Variants in KRT78 observed in about 807,000 individuals in gnomAD.
KRT78 encodes the protein keratin, type II cytoskeletal 78.
KRT78 carries 55 observed loss-of-function variants against 51.4 expected under a neutral mutation model. The observed-to-expected ratio is 1.07, with a 90% CI of 0.86 to 1.34. The LOEUF is 1.34. Among genes scored for constraint, KRT78 ranks in the 40% most tolerant of loss-of-function variants. KRT78 has a pLI of 0.00. For synonymous variants in KRT78, 291 were observed against 264.3 expected (o/e 1.10, Z -0.98); for missense variants, 652 against 649.4 (o/e 1.00, Z -0.04).
At chr12:52,846,353 G>T in intron 3 of KRT78, 61 bp from the exon 4 acceptor site, 1 of 1,060,210 alleles carries the variant, frequency 9.4e-7, no homozygotes, top group Non-Finnish European at 1.5e-6. Context: ...CCCTACTCTG[G>T]CTCAGGAATT....
At chr12:52,839,612 A>G in intron 7 of KRT78, 125 bp from the exon 8 acceptor site, 1 of 1,297,062 alleles carries the variant, frequency 7.7e-7, no homozygotes, top group Non-Finnish European at 1.1e-6. Context: ...ACAGTCTCCA[A>G]CTTAAAATCC....
At chr12:52,844,461 G>A (rs890656688) in intron 5 of KRT78, 98 bp downstream of exon 5, 18 of 1,430,084 alleles carry the variant, frequency 1.3e-5, no homozygotes, top group Admixed American at 2.1e-5. Context: ...GAGGTAACTG[G>A]AACTGCCCCA....
chr12:52,839,413 C>T, intron 8 of KRT78, 40 bp downstream of exon 8: 1 of 1,611,412 alleles, frequency 6.2e-7, no homozygotes, highest in Non-Finnish European at 8.5e-7. Flanking sequence ...GTCATCAGCT[C>T]CCCATGGGGA....
chr12:52,847,434 G>T (rs534266265), intron 2 of KRT78, among the ~76,000 whole-genome samples: 1 of 152,202 alleles, frequency 6.6e-6, no homozygotes. Context: ...TGACCTAGGC[G>T]TGGAGCCCAG....
At chr12:52,842,225 A>G (rs916052650) in intron 6 of KRT78, among the ~76,000 whole-genome samples, 10 of 152,110 alleles carry the variant, frequency 6.6e-5, no homozygotes, top group African/African-American at 2.4e-4. Flanking sequence ...ACCACATGTG[A>G]CTTTTGAATC....
At position 52,848,399 on chromosome 12, in the gene KRT78, T is replaced by C. The variant is rs149189754; in HGVS notation, c.384+148A>G. ...AGGGCCTCAGCATAGCCAGAGAGAG[T>C]CCAGTTAGTCCACAGGAGGGACTTC... On this transcript the variant is annotated intron_variant, in intron 1 of 8. Transcript: ENST00000304620. 9.0e-5 allele frequency: 125 copies of C among 1,391,792 alleles called. No individual in the cohort carries two copies. The African/African-American group carries it at 1.6e-3, about 18-fold the overall frequency. 86.2% of individuals were successfully genotyped at this position (1,391,792 alleles called of 1,614,324 possible).
chr12:52,845,808 G>T (rs1299984237), intron 4 of KRT78, among the ~76,000 whole-genome samples: 1 of 152,126 alleles, frequency 6.6e-6, no homozygotes, highest in East Asian at 1.9e-4. Context: ...ACAAAAATTA[G>T]CTGACCGCAG....
At chr12:52,847,629 C>G (rs1030881638) in intron 2 of KRT78, among the ~76,000 whole-genome samples, 2 of 152,206 alleles carry the variant, frequency 1.3e-5, no homozygotes, top group Non-Finnish European at 2.9e-5. Context: ...CAGCCTTGAC[C>G]GGAAACATGG....
intron 4 of KRT78, among the ~76,000 whole-genome samples, chr12:52,845,119 C>A (rs1382188702): frequency 6.6e-6 from 1 of 151,480 alleles, no homozygotes; most frequent in Non-Finnish European, 1.5e-5. Context: ...AGGTTCAAGC[C>A]ATTCTTCTCC....
Position 52,839,913 on chromosome 12 carries a change from G to A in KRT78, c.1119C>T (p.Ala373=). 1 of 1,614,034 alleles carries A rather than the reference G, an allele frequency of 6.2e-7. No homozygotes were observed. The highest frequency in any genetic ancestry group is 1.3e-5 in the African/African-American group (1 of 74,988). The change falls in exon 7 of 9, where the codon GCC becomes GCT. Residue 373 remains alanine (A), a synonymous_variant. Coordinates refer to ENST00000304620, the MANE Select transcript of KRT78 (RefSeq NM_173352.4). ...GAGCAGCCTCCAGCTCGTCCACCTT[G>A]GCCTGAGCGTCCTTGAGGGCCAGCT... The part of the protein sequence containing the change: ...RGELALKDAQ[A]KVDELEAALR...
Position 52,844,235 on chromosome 12 carries a change from G to T in KRT78, c.922-17C>A. On this transcript the variant is annotated splice_polypyrimidine_tract_variant and intron_variant, in intron 5 of 8. Transcript: ENST00000304620. ...TTCCTGGTACTGAGAGGGGAACAGA[G>T]GGGACACCATTAGTTGAGAGGACTG... 10 of 1,580,352 alleles carry T rather than the reference G, an allele frequency of 6.3e-6. No homozygotes were observed. Among genetic ancestry groups the T allele is most frequent in the Non-Finnish European group, 8.6e-6 (10 of 1,169,248 alleles).
In KRT78 at chr12:52,843,688, C is replaced by CAAAAAAAA. The variant is rs1158055717; in HGVS notation, c.1047+397_1047+404dup. ...TGGGCAGTGGAGTAAGACTCTGTCTCAAAAAAAAAAAAAAAAAGAAAAAGA... is the reference window on the plus strand; with the variant it reads ...TGGGCAGTGGAGTAAGACTCTGTCTCAAAAAAAAAAAAAAAAAAAAAAAAAGAAAAAGA... On this transcript the variant is annotated intron_variant, in intron 6 of 8. Coordinates refer to ENST00000304620, the MANE Select transcript of KRT78 (RefSeq NM_173352.4). Among the ~76,000 whole-genome samples the CAAAAAAAA allele has an allele frequency of 8.0e-3, 506 of 63,134 alleles. 7 individuals carry two copies. Among genetic ancestry groups the CAAAAAAAA allele is most frequent in the East Asian group, 0.022 (51 of 2,348 alleles). 41.4% of individuals were successfully genotyped at this position (63,134 alleles called of 152,430 possible).
chr12:52,848,775 A>G lies in KRT78; in HGVS notation c.156T>C (p.Arg52=). 3 of 1,432,992 alleles carry G rather than the reference A, an allele frequency of 2.1e-6. No individual in the cohort carries two copies. The highest frequency in any genetic ancestry group is 3.5e-5 in the African/African-American group (2 of 56,914). 88.8% of individuals were successfully genotyped at this position (1,432,992 alleles called of 1,614,324 possible). The part of the protein sequence containing the change: ...NSFGGCLEGS[R]GSTWGSGGRL... Reference sequence around the variant, plus strand: ...TACCCCCTGACCCCCAGGTACTCCCACGAGAGCCTTCCAGGCACCCCCCAA... The same window carrying G: ...TACCCCCTGACCCCCAGGTACTCCCGCGAGAGCCTTCCAGGCACCCCCCAA... The change falls in exon 1 of 9, where the codon CGT becomes CGC. Residue 52 remains arginine (R), a synonymous_variant. Coordinates refer to ENST00000304620, the MANE Select transcript of KRT78 (RefSeq NM_173352.4).
rs570816996 is a variant in KRT78, at chr12:52,838,937, G to A, written c.*176C>T. 2 of 717,688 alleles carry A rather than the reference G, an allele frequency of 2.8e-6. No individual in the cohort carries two copies. Among genetic ancestry groups the A allele is most frequent in the East Asian group, 5.4e-5 (2 of 37,374 alleles). The allele number at this position is 717,688 out of a possible 1,614,324, so 44.5% of individuals were successfully genotyped here. On this transcript the variant is annotated 3_prime_UTR_variant, in exon 9 of 9. Coordinates refer to ENST00000304620, the MANE Select transcript of KRT78 (RefSeq NM_173352.4). ...CACAGCTTTTGTTTTGCTGGGTGAG[G>A]TGTGCAAGCACTTAGAGCATTCAGA...
At position 52,848,688 on chromosome 12, in the gene KRT78, C is replaced by A. The variant is rs1204200569; in HGVS notation, c.243G>T (p.Gly81=). The A allele has an allele frequency of 1.2e-6, 2 of 1,613,330 alleles. No homozygotes were observed. Among genetic ancestry groups the A allele is most frequent in the South Asian group, 2.2e-5 (2 of 90,972 alleles). The change falls in exon 1 of 9, where the codon GGG becomes GGT. Residue 81 remains glycine, a synonymous_variant. Transcript: ENST00000304620. The part of the protein sequence containing the change: ...GGPGLSLCPP[G]GIQEVTINQN... ...GGTTGATGGTCACTTCTTGGATGCCCCCCGGAGGGCACAGGGAGAGCCCAG... is the reference window on the plus strand; with the variant it reads ...GGTTGATGGTCACTTCTTGGATGCCACCCGGAGGGCACAGGGAGAGCCCAG...
rs1940638598 is a variant in KRT78, at chr12:52,846,230, C to A, written c.723G>T (p.Glu241Asp). 1 of 1,613,896 alleles carries A rather than the reference C, an allele frequency of 6.2e-7. No individual in the cohort carries two copies. Among genetic ancestry groups the A allele is most frequent in the Non-Finnish European group, 8.5e-7 (1 of 1,179,854 alleles). The stretch of plus-strand genomic sequence containing the variant: ...TCAGATGCTTCAAGAAGTAGAGGTA[C>A]TCTCTCAGAGCCTCCAGCTTGCCCT... ...ELEGKLEALR[E>D]YLYFLKHLNE... Residue 241 changes from glutamate (E) to aspartate (D), a missense_variant, in exon 4 of 9, where the codon GAG becomes GAT. Glu to Asp is a conservative substitution (Grantham distance 45). Transcript: ENST00000304620.
rs184419711 is a variant in KRT78, at chr12:52,848,798, C to T, written c.133G>A (p.Gly45Arg). The change falls in exon 1 of 9, where the codon GGG becomes AGG. Residue 45 changes from glycine (G) to arginine (R), a missense_variant. By Grantham distance (125) the Gly-to-Arg change is moderately radical. Transcript: ENST00000304620. ...GFSSRSLNSFGGCLEGSRGST... is the reference protein window; with the variant it reads ...GFSSRSLNSFRGCLEGSRGST... ...CCACGAGAGCCTTCCAGGCACCCCCCAAAGGAATTAAGGCTCCTGCTGCTG... is the reference window on the plus strand; with the variant it reads ...CCACGAGAGCCTTCCAGGCACCCCCTAAAGGAATTAAGGCTCCTGCTGCTG... The T allele has an allele frequency of 1.6e-5, 26 of 1,613,594 alleles. No homozygotes were observed. Among genetic ancestry groups the T allele is most frequent in the East Asian group, 2.2e-5 (1 of 44,822 alleles).
chr12:52,844,581 G>A lies in KRT78; in HGVS notation c.899C>T (p.Ala300Val), dbSNP rs780610091. The A allele has an allele frequency of 6.2e-7, 1 of 1,613,960 alleles. No individual in the cohort carries two copies. Among genetic ancestry groups the A allele is most frequent in the South Asian group, 1.1e-5 (1 of 91,040 alleles). The part of the protein sequence containing the change: ...EEIARSSKAE[A>V]EALYQTKYQE... ...CACCTTGGTCTGGTACAAGGCCTCA[G>A]CCTCAGCCTTGCTGCTCCGGGCGAT... Residue 300 changes from alanine (A) to valine (V), a missense_variant, in exon 5 of 9, where the codon GCT (alanine) becomes GTT (valine). Coordinates refer to ENST00000304620, the MANE Select transcript of KRT78 (RefSeq NM_173352.4).
chr12:52,846,333 T>A, intron 3 of KRT78, 41 bp from the exon 4 acceptor site: 1 of 1,237,000 alleles, frequency 8.1e-7, no homozygotes, highest in Non-Finnish European at 1.2e-6. Context: ...CCCCTCTTCC[T>A]CTTTGGGGTC....
Sources: gnomAD v4.1 joint callset for allele counts (sites outside exome capture counted in the v4.1 genomes callset) on GRCh38, gnomAD v4.1.1 for gene constraint, MANE v1.5 for transcripts, NCBI Gene and HGNC (gene_info 2026-07-23, HGNC 2026-07-21) for gene names.